The following AGPAT4 variants were observed in gnomAD, a reference collection of about 807,000 sequenced individuals.
AGPAT4 encodes the protein 1-acyl-sn-glycerol-3-phosphate acyltransferase delta.
In AGPAT4, 15 loss-of-function variants were observed where a neutral mutation model predicts 48.0. The ratio of observed to expected loss-of-function variants is 0.31; its 90% CI spans 0.21 to 0.48. The LOEUF is 0.48. Among genes scored for constraint, AGPAT4 ranks in the 20% least tolerant of loss-of-function variants. The pLI, the probability that AGPAT4 is intolerant of heterozygous loss-of-function variation, is 0.99. For synonymous variants in AGPAT4, 178 were observed against 198.7 expected (o/e 0.90, Z 0.88); for missense variants, 314 against 482.5 (o/e 0.65, Z 3.27).
At chr6:161,183,584 C>T (rs1438404708) in intron 2 of AGPAT4, among the ~76,000 whole-genome samples, 10 of 144,148 alleles carry the variant, frequency 6.9e-5, no homozygotes, top group African/African-American at 2.6e-4. Context: ...CATGCCACTA[C>T]ACTCCAGCCT....
chr6:161,135,288 C>T lies in AGPAT4; in HGVS notation c.*1252G>A, dbSNP rs371650050. 3.0e-4 allele frequency: 46 copies of T among 152,354 alleles called. No homozygotes were observed. Among genetic ancestry groups the T allele is most frequent in the African/African-American group, 1.0e-3 (42 of 41,584 alleles). The allele number at this position is 152,354 out of a possible 1,614,324, so 9.4% of individuals were successfully genotyped here. A position where few individuals can be genotyped will look rare whatever the true frequency, so the allele number is the denominator to read the frequency against. ...CCTAACTCATGCTCCAAATACCTATCGGTCCAAGTGCCATTGGTGTCTTGG... is the reference window on the plus strand; with the variant it reads ...CCTAACTCATGCTCCAAATACCTATTGGTCCAAGTGCCATTGGTGTCTTGG... On this transcript the variant is annotated 3_prime_UTR_variant, in exon 9 of 9. Coordinates refer to ENST00000320285, the MANE Select transcript of AGPAT4 (RefSeq NM_020133.3).
rs1782901968 is a variant in AGPAT4, at chr6:161,254,789, A to G, written c.-90+19149T>C. ...TCAAAGATCTGTAAATACCGACTCA[A>G]TTTAGAGAACAAACATGGATTCAAT... is the stretch of plus-strand genomic sequence containing the variant. On this transcript the variant is annotated intron_variant, in intron 1 of 8. Coordinates refer to ENST00000320285, the MANE Select transcript of AGPAT4 (RefSeq NM_020133.3). The surrounding 1 kb of genome is among the most constrained non-coding windows in gnomAD (Gnocchi z 5.9). Among the ~76,000 whole-genome samples the G allele has an allele frequency of 6.6e-6, 1 of 152,236 alleles. No homozygotes were observed. The highest frequency in any genetic ancestry group is 2.4e-5 in the African/African-American group (1 of 41,468).
Position 161,225,662 on chromosome 6 carries a change from C to T in AGPAT4, c.178+6374G>A, listed in dbSNP as rs552114974. ...GCAGAGGGATCTCGTGATGTGGAGC[C>T]GTCAGGGTGTGTGACTCCAGGTGAA... On this transcript the variant is annotated intron_variant, in intron 2 of 8. Coordinates refer to ENST00000320285, the MANE Select transcript of AGPAT4 (RefSeq NM_020133.3). The surrounding 1 kb of genome is among the most constrained non-coding windows in gnomAD (Gnocchi z 5.0). 1.5e-4 allele frequency among the ~76,000 whole-genome samples: 23 copies of T among 152,240 alleles called. No individual in the cohort carries two copies. The East Asian group carries it at 3.7e-3, about 24-fold the overall frequency.
At position 161,165,955 on chromosome 6, in the gene AGPAT4, A is replaced by C; in HGVS notation, c.348+293T>G. ...TTAAGCTCTATATAACTTAGTTTTT[A>C]AAAAATGGAGTGTGGCACATCATCT... On this transcript the variant is annotated intron_variant, in intron 3 of 8. Coordinates refer to ENST00000320285, the MANE Select transcript of AGPAT4 (RefSeq NM_020133.3). The surrounding 1 kb of genome is among the most constrained non-coding windows in gnomAD (Gnocchi z 5.5). 1 of 603,328 alleles carries C rather than the reference A, an allele frequency of 1.7e-6. No individual in the cohort carries two copies. Among genetic ancestry groups the C allele is most frequent in the Non-Finnish European group, 2.9e-6 (1 of 339,776 alleles). 37.4% of individuals were successfully genotyped at this position (603,328 alleles called of 1,614,324 possible). A position where few individuals can be genotyped will look rare whatever the true frequency, so the allele number is the denominator to read the frequency against.
At chr6:161,163,821 C>T (rs1286090381) in intron 3 of AGPAT4, among the ~76,000 whole-genome samples, 2 of 152,212 alleles carry the variant, frequency 1.3e-5, no homozygotes, top group African/African-American at 4.8e-5. Context: ...TCCCAAACTT[C>T]CAGTGAGAAG....
intron 3 of AGPAT4, among the ~76,000 whole-genome samples, chr6:161,157,943 C>T (rs1202948882): frequency 1.3e-5 from 2 of 152,202 alleles, no homozygotes; most frequent in African/African-American, 2.4e-5. Flanking sequence ...CACATATTCC[C>T]TGGTGTCCCT....
Position 161,136,722 on chromosome 6 carries a change from C to T in AGPAT4, c.1043-88G>A, listed in dbSNP as rs183174601. ...CAGAGCAAGTGAGAAGGCCCGTGGC[C>T]GCAAATCACAAGCGCCAGCTCAGAG... On this transcript the variant is annotated intron_variant, in intron 8 of 8. Coordinates refer to ENST00000320285, the MANE Select transcript of AGPAT4 (RefSeq NM_020133.3). 212 of 1,160,612 alleles carry T rather than the reference C, an allele frequency of 1.8e-4. 1 individual carries two copies. The African/African-American group carries it at 2.7e-3, about 15-fold the overall frequency. 71.9% of individuals were successfully genotyped at this position (1,160,612 alleles called of 1,614,324 possible).
At position 161,226,961 on chromosome 6, in the gene AGPAT4, G is replaced by A. The variant is rs1781998286; in HGVS notation, c.178+5075C>T. On this transcript the variant is annotated intron_variant, in intron 2 of 8. Transcript: ENST00000320285. This position sits in a 1 kb window ranked among gnomAD's most constrained non-coding sequence, Gnocchi z 6.3. ...GAAGAAGAAGGAAGAAGGAATAGAA[G>A]AAGGAAAGATTGTTTTGTTTTACAG... Among the ~76,000 whole-genome samples, 1 of 152,232 alleles carries A rather than the reference G, an allele frequency of 6.6e-6. No individual in the cohort carries two copies. Among genetic ancestry groups the A allele is most frequent in the Non-Finnish European group, 1.5e-5 (1 of 68,042 alleles).
Position 161,232,227 on chromosome 6 carries a change from T to C in AGPAT4, c.-14A>G, listed in dbSNP as rs1426086056. ...CGCGAGGTCCATGATGCGTGGACGC[T>C]CTTATTCAGAAATAAATAACTACCC... is the stretch of plus-strand genomic sequence containing the variant. On this transcript the variant is annotated 5_prime_UTR_variant, in exon 2 of 9. Transcript: ENST00000320285. This position sits in a 1 kb window ranked among gnomAD's most constrained non-coding sequence, Gnocchi z 6.8. 4.4e-6 allele frequency: 7 copies of C among 1,608,326 alleles called. No individual in the cohort carries two copies. Among genetic ancestry groups the C allele is most frequent in the South Asian group, 1.1e-5 (1 of 90,458 alleles).
In AGPAT4 at chr6:161,232,083, T is replaced by G. The variant is rs1017700390; in HGVS notation, c.131A>C (p.Gln44Pro). Reference protein sequence around the residue: ...FTLLLWPINKQLFRKINCRLS... With the variant: ...FTLLLWPINKPLFRKINCRLS... ...TCTGCAGTTGATCTTCCGGAAGAGC[T>G]GCTTGTTAATGGGCCAGAGGAGGAG... Residue 44 changes from glutamine (Q) to proline (P), a missense_variant, in exon 2 of 9, where the codon CAG becomes CCG. By Grantham distance (76) the Gln-to-Pro change is moderately conservative (BLOSUM62 -1). Transcript: ENST00000320285. The surrounding 1 kb of genome is among the most constrained non-coding windows in gnomAD (Gnocchi z 6.8). 6.2e-7 allele frequency: 1 copy of G among 1,613,954 alleles called. No individual in the cohort carries two copies. Among genetic ancestry groups the G allele is most frequent in the African/African-American group, 1.3e-5 (1 of 74,874 alleles).
intron 2 of AGPAT4, among the ~76,000 whole-genome samples, chr6:161,175,554 T>C (rs1051979126): frequency 6.6e-6 from 1 of 152,140 alleles, no homozygotes; most frequent in Non-Finnish European, 1.5e-5. Flanking sequence ...TTCTTAGTGG[T>C]CTATCAATTT....
rs1779481598 is a variant in AGPAT4 at position 161,232,000 on chromosome 6, A to G, written c.178+36T>C. ...CCATAATTCTGATACACACATCCAC[A>G]ATGGAGACGAAAATATAGAATCTTA... On this transcript the variant is annotated intron_variant, in intron 2 of 8. Coordinates refer to ENST00000320285, the MANE Select transcript of AGPAT4 (RefSeq NM_020133.3). The surrounding 1 kb of genome is among the most constrained non-coding windows in gnomAD (Gnocchi z 5.3). The G allele has an allele frequency of 6.2e-7, 1 of 1,603,478 alleles. No individual in the cohort carries two copies. Among genetic ancestry groups the G allele is most frequent in the Non-Finnish European group, 8.5e-7 (1 of 1,171,548 alleles).
intron 2 of AGPAT4, among the ~76,000 whole-genome samples, chr6:161,194,339 T>TA (rs1781003113): frequency 1.3e-5 from 2 of 152,200 alleles, no homozygotes; most frequent in Non-Finnish European, 2.9e-5. Context: ...ATCTAAAAGA[T>TA]AAAGCTTCTT....
Position 161,270,996 on chromosome 6 carries a change from T to G in AGPAT4, c.-90+2942A>C, listed in dbSNP as rs1272547430. Reference sequence around the variant, plus strand: ...AGTTTCATACCTGTTTAAAGTCTAGTGTAAGTCTGGCCTTTCGTTGTTAAG... The same window carrying G: ...AGTTTCATACCTGTTTAAAGTCTAGGGTAAGTCTGGCCTTTCGTTGTTAAG... On this transcript the variant is annotated intron_variant, in intron 1 of 8. Transcript: ENST00000320285. The surrounding 1 kb of genome is among the most constrained non-coding windows in gnomAD (Gnocchi z 5.3). Among the ~76,000 whole-genome samples, 2 of 152,232 alleles carry G rather than the reference T, an allele frequency of 1.3e-5. No individual in the cohort carries two copies. The highest frequency in any genetic ancestry group is 4.8e-5 in the African/African-American group (2 of 41,458).
chr6:161,138,295 G>T lies in AGPAT4; in HGVS notation c.1042+1127C>A, dbSNP rs1405130874. Among the ~76,000 whole-genome samples the T allele has an allele frequency of 6.6e-6, 1 of 152,192 alleles. No homozygotes were observed. The highest frequency in any genetic ancestry group is 2.4e-5 in the African/African-American group (1 of 41,456). The stretch of plus-strand genomic sequence containing the variant: ...TCTTAATCTTTCAAAAGACTGTATA[G>T]TAGGGTCTATTTGAGGAACAGGAGC... On this transcript the variant is annotated intron_variant, in intron 8 of 8. Transcript: ENST00000320285. The surrounding 1 kb of genome is among the most constrained non-coding windows in gnomAD (Gnocchi z 4.8).
At chr6:161,227,179 G>A (rs779720967) in intron 2 of AGPAT4, among the ~76,000 whole-genome samples, 23 of 152,174 alleles carry the variant, frequency 1.5e-4, no homozygotes, top group Non-Finnish European at 2.8e-4. Context: ...TCAGCAGGTC[G>A]TATACCTTTC....
rs964801645 is a variant in AGPAT4 at position 161,139,771 on chromosome 6, T to G, written c.844-151A>C. 1.4e-4 allele frequency: 93 copies of G among 645,106 alleles called. No homozygotes were observed. The Middle Eastern group carries it at 1.7e-3, about 12-fold the overall frequency. The allele number at this position is 645,106 out of a possible 1,614,324, so 40.0% of individuals were successfully genotyped here. On this transcript the variant is annotated intron_variant, in intron 7 of 8. Coordinates refer to ENST00000320285, the MANE Select transcript of AGPAT4 (RefSeq NM_020133.3). The surrounding 1 kb of genome is among the most constrained non-coding windows in gnomAD (Gnocchi z 9.1). ...TCTGCAGCTCCTTCCAGAAAGCACT[T>G]TGTAGGCAGCTGCTGTCTTCTCAAA...
Position 161,138,872 on chromosome 6 carries a change from CAG to C in AGPAT4, c.1042+548_1042+549del, listed in dbSNP as rs1461557312. On this transcript the variant is annotated intron_variant, in intron 8 of 8. Transcript: ENST00000320285. The surrounding 1 kb of genome is among the most constrained non-coding windows in gnomAD (Gnocchi z 4.8). ...CGCCAGAGGCAAGGAGCAGGGTGCACAGGGGCTTGCCACCAAGAAGCAGCAGT... is the reference window on the plus strand; with the variant it reads ...CGCCAGAGGCAAGGAGCAGGGTGCACGGGCTTGCCACCAAGAAGCAGCAGT... 6.6e-6 allele frequency among the ~76,000 whole-genome samples: 1 copy of C among 152,072 alleles called. No homozygotes were observed. Among genetic ancestry groups the C allele is most frequent in the African/African-American group, 2.4e-5 (1 of 41,414 alleles).
At position 161,137,822 on chromosome 6, in the gene AGPAT4, T is replaced by G. The variant is rs1413315498; in HGVS notation, c.1043-1188A>C. On this transcript the variant is annotated intron_variant, in intron 8 of 8. Transcript: ENST00000320285. The surrounding 1 kb of genome is among the most constrained non-coding windows in gnomAD (Gnocchi z 6.1). ...GCACCCCTCAGATGCTCCTGAAGAC[T>G]CCCTGTGTCCACACTGCACCCCTCA... Among the ~76,000 whole-genome samples, 1 of 150,430 alleles carries G rather than the reference T, an allele frequency of 6.6e-6. No individual in the cohort carries two copies. The highest frequency in any genetic ancestry group is 1.5e-5 in the Non-Finnish European group (1 of 67,672).
Sources: allele counts gnomAD v4.1 joint callset (sites outside exome capture counted in the v4.1 genomes callset), GRCh38; gene constraint gnomAD v4.1.1; non-coding constraint Gnocchi (gnomAD v3.1); transcripts MANE v1.5; gene names NCBI Gene and HGNC (gene_info 2026-07-23, HGNC 2026-07-21).